Variants in TYW5 observed in about 807,000 individuals in gnomAD.
TYW5 encodes tRNA wybutosine-synthesizing protein 5.
In TYW5, 36 loss-of-function variants were observed where a neutral mutation model predicts 44.4. That is an observed-to-expected ratio of 0.81 (90% confidence interval 0.62 to 1.07). The LOEUF (loss-of-function observed/expected upper bound fraction) is 1.07. Ranked by LOEUF, TYW5 falls within the 50% of genes least tolerant of loss-of-function variation. TYW5 has a pLI of 0.00. For missense variants in TYW5, 354 were observed against 365.7 expected (o/e 0.97, Z 0.26); for synonymous variants, 121 against 128.1 (o/e 0.94, Z 0.37).
At chr2:199,944,925 A>C (rs2077492442) in intron 2 of TYW5, 1 of 152,244 alleles carries the variant, frequency 6.6e-6, no homozygotes, top group Admixed American at 6.5e-5. Context: ...AAAAAAAATT[A>C]AAGATAAATG....
Position 199,932,911 on chromosome 2 carries a change from A to G in TYW5, c.*156T>C, listed in dbSNP as rs1313530935. ...AGTGGTCCCAGCACAGCATTCTTTA[A>G]TTATAACAATCTGTATCAAGTAGAA... On this transcript the variant is annotated 3_prime_UTR_variant, in exon 8 of 8. Transcript: ENST00000354611. The G allele has an allele frequency of 2.1e-5, 18 of 856,784 alleles. No individual in the cohort carries two copies. The highest frequency in any genetic ancestry group is 3.1e-5 in the Non-Finnish European group (18 of 575,610). The allele number at this position is 856,784 out of a possible 1,614,324, so 53.1% of individuals were successfully genotyped here.
chr2:199,941,302 G>A (rs993636748), intron 3 of TYW5, among the ~76,000 whole-genome samples: 9 of 152,138 alleles, frequency 5.9e-5, no homozygotes, highest in African/African-American at 2.2e-4. Context: ...TGGCCTCCCA[G>A]AGTGCTGGGA....
At chr2:199,943,703 A>C (rs2077482811) in intron 3 of TYW5, 62 bp downstream of exon 3, 1 of 1,345,258 alleles carries the variant, frequency 7.4e-7, no homozygotes, top group Non-Finnish European at 1.0e-6. Flanking sequence ...ATTCTTTCAT[A>C]AGAAAATCCA....
At chr2:199,937,940 T>C (rs2077433798) in intron 5 of TYW5, among the ~76,000 whole-genome samples, 1 of 152,218 alleles carries the variant, frequency 6.6e-6, no homozygotes, top group Non-Finnish European at 1.5e-5. Context: ...TCCTTTACCT[T>C]CCTTAAGTTT....
Position 199,939,061 on chromosome 2 carries a change from C to G in TYW5, c.358G>C (p.Asp120His), listed in dbSNP as rs761296470. 1 of 1,602,058 alleles carries G rather than the reference C, an allele frequency of 6.2e-7. No individual in the cohort carries two copies. The highest frequency in any genetic ancestry group is 8.5e-7 in the Non-Finnish European group (1 of 1,176,872). The change falls in exon 5 of 8, where the codon GAT (aspartate) becomes CAT (histidine). Residue 120 changes from aspartate to histidine, a missense_variant. Asp to His is a moderately conservative substitution (Grantham distance 81). Coordinates refer to ENST00000354611, the MANE Select transcript of TYW5 (RefSeq NM_001039693.3). ...AACAAAGGAAACTGCTTTCTGATAT[C>G]TGCAACATCCTGCATTTACAGAAAC... ...LGEDPRKDVA[D>H]IRKQFPLLKG... is the part of the protein sequence containing the mutation.
At position 199,948,557 on chromosome 2, in the gene TYW5, CAAGT is replaced by C; in HGVS notation, c.79-89_79-86del. On this transcript the variant is annotated intron_variant, in intron 1 of 7. Transcript: ENST00000354611. ...GTATTTGGCAACAGGGAGACAAAAA[CAAGT>C]AAGATCTGACTCTTGCTCCCAAGAT... The C allele has an allele frequency of 3.7e-6, 5 of 1,351,234 alleles. 1 individual carries two copies. In the South Asian group the frequency reaches 6.2e-5, roughly 17 times the overall value. 83.7% of individuals were successfully genotyped at this position (1,351,234 alleles called of 1,614,324 possible).
intron 1 of TYW5, among the ~76,000 whole-genome samples, chr2:199,951,860 C>CA (rs1320858561): frequency 5.3e-5 from 8 of 151,840 alleles, no homozygotes; most frequent in African/African-American, 1.9e-4. Flanking sequence ...ACTAAAAATA[C>CA]AAAAAAATTA....
In TYW5 at chr2:199,948,358, C is replaced by G. The variant is rs755137966; in HGVS notation, c.193G>C (p.Val65Leu). The change falls in exon 2 of 8, where the codon GTT becomes CTT. Residue 65 changes from valine to leucine, a missense_variant. Val to Leu is a conservative substitution (Grantham distance 32). Transcript: ENST00000354611. ...KKEVKIHVAA[V>L]AQMDFISKNF... is the part of the protein sequence containing the mutation. ...TTACTAATGAAGTCCATCTGTGCAA[C>G]TGCAGCAACATGAATCTTTACTTCT... The G allele has an allele frequency of 1.2e-6, 2 of 1,614,172 alleles. No homozygotes were observed. Among genetic ancestry groups the G allele is most frequent in the Non-Finnish European group, 1.7e-6 (2 of 1,180,024 alleles).
rs1226425632 is a variant in TYW5, at chr2:199,929,438, G to A, written c.*3629C>T. 6.6e-6 allele frequency among the ~76,000 whole-genome samples: 1 copy of A among 152,018 alleles called. No homozygotes were observed. The highest frequency in any genetic ancestry group is 2.4e-5 in the African/African-American group (1 of 41,420). On this transcript the variant is annotated 3_prime_UTR_variant, in exon 8 of 8. Transcript: ENST00000354611. Reference sequence around the variant, plus strand: ...GACTAAGGTAACACCAGAGATGTGTGGGTGACTGCCAATCTATGTTAGTTC... The same window carrying A: ...GACTAAGGTAACACCAGAGATGTGTAGGTGACTGCCAATCTATGTTAGTTC...
At chr2:199,934,255 T>C (rs1376739944) in intron 7 of TYW5, among the ~76,000 whole-genome samples, 1 of 152,054 alleles carries the variant, frequency 6.6e-6, no homozygotes, top group East Asian at 1.9e-4. Context: ...CCTTATTCAA[T>C]ATAATAGGAA....
In TYW5 at chr2:199,930,904, C is replaced by G. The variant is rs906832952; in HGVS notation, c.*2163G>C. ...CTTTCAATAAAAAAGTTCTAAGATT[C>G]AGAATTCCTGAGAAGTTGCAGCTAA... is the stretch of plus-strand genomic sequence containing the variant. On this transcript the variant is annotated 3_prime_UTR_variant, in exon 8 of 8. Coordinates refer to ENST00000354611, the MANE Select transcript of TYW5 (RefSeq NM_001039693.3). The G allele has an allele frequency of 8.5e-5, 13 of 152,116 alleles. No individual in the cohort carries two copies. The highest frequency in any genetic ancestry group is 3.1e-4 in the African/African-American group (13 of 41,418). 9.4% of individuals were successfully genotyped at this position (152,116 alleles called of 1,614,324 possible). A position where few individuals can be genotyped will look rare whatever the true frequency, so the allele number is the denominator to read the frequency against.
At position 199,935,995 on chromosome 2, in the gene TYW5, T is replaced by G; in HGVS notation, c.627A>C (p.Pro209=). Residue 209 remains proline (P), a synonymous_variant, in exon 7 of 8, where the codon CCA becomes CCC. Transcript: ENST00000354611. ...NIDNPDLAKY[P]LFSKARRYEC... is the part of the protein sequence containing the mutation. ...CATATCTTCTAGCCTTGGAAAAAAGTGGATATTTAGCCAAGTCTGGGTTAT... is the reference window on the plus strand; with the variant it reads ...CATATCTTCTAGCCTTGGAAAAAAGGGGATATTTAGCCAAGTCTGGGTTAT... 1 of 1,613,294 alleles carries G rather than the reference T, an allele frequency of 6.2e-7. No individual in the cohort carries two copies. Among genetic ancestry groups the G allele is most frequent in the Non-Finnish European group, 8.5e-7 (1 of 1,179,536 alleles).
In TYW5 at chr2:199,935,998, A is replaced by C. The variant is rs778576477; in HGVS notation, c.624T>G (p.Tyr208Ter). 1 of 1,613,170 alleles carries C rather than the reference A, an allele frequency of 6.2e-7. No individual in the cohort carries two copies. The highest frequency in any genetic ancestry group is 1.3e-5 in the African/African-American group (1 of 74,876). Residue 208 changes from tyrosine to a stop codon, truncating the protein, a stop_gained, in exon 7 of 8, where the codon TAT (tyrosine) becomes TAG (stop). Transcript: ENST00000354611. LOFTEE classifies it high-confidence loss of function. ...LNIDNPDLAK[Y>*]PLFSKARRYE... Reference sequence around the variant, plus strand: ...ATCTTCTAGCCTTGGAAAAAAGTGGATATTTAGCCAAGTCTGGGTTATCTA... The same window carrying C: ...ATCTTCTAGCCTTGGAAAAAAGTGGCTATTTAGCCAAGTCTGGGTTATCTA...
intron 3 of TYW5, chr2:199,943,541 A>T: frequency 4.6e-6 from 2 of 431,888 alleles, no homozygotes; most frequent in Non-Finnish European, 8.2e-6. Flanking sequence ...TACTATTATC[A>T]CCCCCATTTC....
intron 3 of TYW5, chr2:199,942,619 G>T (rs375566984): frequency 2.6e-5 from 4 of 152,060 alleles, no homozygotes; most frequent in African/African-American, 9.7e-5. Flanking sequence ...ACAGTTCTCA[G>T]GTGCAGCTAA....
At chr2:199,945,513 A>G (rs575570779) in intron 2 of TYW5, 1 of 152,234 alleles carries the variant, frequency 6.6e-6, no homozygotes, top group South Asian at 2.1e-4. Flanking sequence ...TGACTAACTA[A>G]TATCAACAAA....
chr2:199,939,950 C>A, intron 4 of TYW5, 139 bp downstream of exon 4: 1 of 814,898 alleles, frequency 1.2e-6, no homozygotes, highest in South Asian at 1.6e-5. Flanking sequence ...TATTCAGGGG[C>A]ACAAATCACT....
chr2:199,954,892 G>C (rs2077581925), intron 1 of TYW5, among the ~76,000 whole-genome samples: 1 of 152,152 alleles, frequency 6.6e-6, no homozygotes, highest in Non-Finnish European at 1.5e-5. Context: ...GCAAGTAAAA[G>C]CACTTTTTGT....
intron 1 of TYW5, among the ~76,000 whole-genome samples, chr2:199,955,065 T>A (rs1244949421): frequency 6.6e-6 from 1 of 152,068 alleles, no homozygotes; most frequent in African/African-American, 2.4e-5. Flanking sequence ...CTCAGTGGAG[T>A]GAAAAGTTGT....
Sources: gnomAD v4.1 joint callset for allele counts (sites outside exome capture counted in the v4.1 genomes callset) on GRCh38, gnomAD v4.1.1 for gene constraint, MANE v1.5 for transcripts, NCBI Gene and HGNC (gene_info 2026-07-23, HGNC 2026-07-21) for gene names.